The following DLG2 variants were observed in gnomAD, a reference collection of about 807,000 sequenced individuals.
DLG2 encodes the protein disks large homolog 2.
A neutral mutation model predicts 132.5 loss-of-function variants in DLG2; 45 were observed. The observed-to-expected ratio is 0.34, with a 90% confidence interval of 0.27 to 0.44. DLG2 has a LOEUF of 0.44. DLG2 is among the 20% of genes least tolerant of loss of function. The probability of loss-of-function intolerance (pLI) is 1.00; values close to 1 mark genes in which losing one functional copy is unlikely to be tolerated. For missense variants in DLG2, 1,045 were observed against 1,196.9 expected, an observed-to-expected ratio of 0.87 and a Z score of 1.87; for synonymous variants, 424 against 419.6, an observed-to-expected ratio of 1.01 and a Z score of -0.13.
chr11:85,594,367 C>T (rs1043866179), intron 3 of DLG2, among the ~76,000 whole-genome samples: 8 of 152,132 alleles, frequency 5.3e-5, no homozygotes, highest in Non-Finnish European at 1.0e-4. Context: ...TTAACTGCCT[C>T]CATTAAACAA....
intron 5 of DLG2, among the ~76,000 whole-genome samples, chr11:85,123,386 A>G (rs1313005752): frequency 6.6e-6 from 1 of 152,166 alleles, no homozygotes; most frequent in Non-Finnish European, 1.5e-5. Flanking sequence ...GTAGAAATCC[A>G]GGTAAGAATT....
chr11:85,241,404 G>C (rs527851420), intron 4 of DLG2, among the ~76,000 whole-genome samples: 1 of 151,658 alleles, frequency 6.6e-6, no homozygotes, highest in East Asian at 1.9e-4. Flanking sequence ...TTACAACATT[G>C]GCTAGGGCTT....
intron 9 of DLG2, among the ~76,000 whole-genome samples, chr11:84,122,664 T>C (rs2093984216): frequency 6.6e-6 from 1 of 152,242 alleles, no homozygotes; most frequent in African/African-American, 2.4e-5. Flanking sequence ...AAAGTGTTTA[T>C]AAGCTGAATA....
chr11:83,846,543 G>A (rs1164877461), intron 16 of DLG2, among the ~76,000 whole-genome samples: 1 of 152,160 alleles, frequency 6.6e-6, no homozygotes, highest in Non-Finnish European at 1.5e-5. Flanking sequence ...AAAGTGAGGG[G>A]CTTTGATTGA....
At chr11:83,940,003 T>G (rs1244764718) in intron 14 of DLG2, among the ~76,000 whole-genome samples, 1 of 152,222 alleles carries the variant, frequency 6.6e-6, no homozygotes. Flanking sequence ...GAGGTACATT[T>G]CCCTCTGTTT....
chr11:84,850,742 A>G (rs2082073137), intron 6 of DLG2, among the ~76,000 whole-genome samples: 3 of 152,172 alleles, frequency 2.0e-5, no homozygotes, highest in African/African-American at 7.2e-5. Flanking sequence ...ATATTTTTAT[A>G]CACTAACAAT....
At chr11:83,958,582 GA>G (rs1359903069) in intron 14 of DLG2, among the ~76,000 whole-genome samples, 1 of 152,080 alleles carries the variant, frequency 6.6e-6, no homozygotes, top group Non-Finnish European at 1.5e-5. Context: ...CCTACATCTT[GA>G]AAGAGTAGTT....
chr11:84,012,581 G>A (rs777444855), intron 11 of DLG2, among the ~76,000 whole-genome samples: 3 of 152,092 alleles, frequency 2.0e-5, no homozygotes, highest in Admixed American at 6.6e-5. Context: ...ATGAGATTGT[G>A]GCTTGTTTCT....
rs185503528 is a variant in DLG2, at chr11:84,095,711, A to G, written c.749+3212T>C. 3.5e-3 allele frequency among the ~76,000 whole-genome samples: 540 copies of G among 152,282 alleles called. 2 individuals are homozygous for G. The highest frequency in any genetic ancestry group is 0.013 in the African/African-American group (525 of 41,566). ...TCACTCCTCTGAGCTGCAGAATCCCACTCTATAAAATGTATGTCTTGGACT... is the reference window on the plus strand; with the variant it reads ...TCACTCCTCTGAGCTGCAGAATCCCGCTCTATAAAATGTATGTCTTGGACT... On this transcript the variant is annotated intron_variant, in intron 10 of 27. Transcript: ENST00000376104.
At chr11:84,007,448 C>T (rs1055477515) in intron 11 of DLG2, among the ~76,000 whole-genome samples, 6 of 151,616 alleles carry the variant, frequency 4.0e-5, no homozygotes, top group African/African-American at 1.5e-4. Flanking sequence ...ATCCATTAAT[C>T]TTTAGAACAA....
intron 11 of DLG2, among the ~76,000 whole-genome samples, chr11:84,023,819 C>T (rs1002015210): frequency 6.6e-6 from 1 of 152,128 alleles, no homozygotes; most frequent in African/African-American, 2.4e-5. Flanking sequence ...TTCTCTTCAT[C>T]CTTCTCCTTA....
intron 15 of DLG2, among the ~76,000 whole-genome samples, chr11:83,905,934 TA>T (rs2074600791): frequency 6.6e-6 from 1 of 152,042 alleles, no homozygotes; most frequent in Non-Finnish European, 1.5e-5. Context: ...TTTTGCACTA[TA>T]AAAGCTCACA....
chr11:84,737,705 C>T (rs2064039591), intron 6 of DLG2, among the ~76,000 whole-genome samples: 1 of 151,894 alleles, frequency 6.6e-6, no homozygotes, highest in Admixed American at 6.6e-5. Flanking sequence ...CTCAGTAGTG[C>T]AGGCAACAGA....
chr11:84,413,803 TC>T (rs1287243267), intron 7 of DLG2, among the ~76,000 whole-genome samples: 2 of 152,246 alleles, frequency 1.3e-5, no homozygotes, highest in East Asian at 3.9e-4. Context: ...TATCCATCCT[TC>T]TCCCTGACAG....
intron 7 of DLG2, among the ~76,000 whole-genome samples, chr11:84,477,933 C>T (rs2099126177): frequency 6.6e-6 from 1 of 152,080 alleles, no homozygotes; most frequent in Non-Finnish European, 1.5e-5. Context: ...ATGTGTATTA[C>T]ATGTATTCAC....
intron 7 of DLG2, among the ~76,000 whole-genome samples, chr11:84,374,727 T>C (rs1042206908): frequency 9.2e-5 from 14 of 152,136 alleles, no homozygotes; most frequent in African/African-American, 3.1e-4. Context: ...CCAGCTTCAT[T>C]TTTCCCCCTC....
At chr11:85,401,516 G>C (rs903089210) in intron 3 of DLG2, among the ~76,000 whole-genome samples, 9 of 152,092 alleles carry the variant, frequency 5.9e-5, no homozygotes, top group Admixed American at 5.9e-4. Context: ...AAGAAATAAA[G>C]GGTATTCAAT....
chr11:84,877,087 GAA>G (rs779225684), intron 6 of DLG2, among the ~76,000 whole-genome samples: 8 of 152,124 alleles, frequency 5.3e-5, no homozygotes, highest in Non-Finnish European at 8.8e-5. Flanking sequence ...CATTTGCTGA[GAA>G]GTGTTTTACT....
At chr11:83,714,569 A>G (rs1485059447) in intron 18 of DLG2, among the ~76,000 whole-genome samples, 1 of 152,212 alleles carries the variant, frequency 6.6e-6, no homozygotes, top group East Asian at 1.9e-4. Flanking sequence ...AAGCCATACT[A>G]GGCTACTTAA....
Sources: gnomAD v4.1 joint callset for allele counts (sites outside exome capture counted in the v4.1 genomes callset) on GRCh38, gnomAD v4.1.1 for gene constraint, MANE v1.5 for transcripts, NCBI Gene and HGNC (gene_info 2026-07-23, HGNC 2026-07-21) for gene names.